MYO1D: variants seen among roughly 807,000 people sequenced by gnomAD.
MYO1D encodes myosin ID.
In MYO1D, 83 loss-of-function variants were observed where a neutral mutation model predicts 122.0. The observed-to-expected ratio is 0.68, with a 90% CI of 0.57 to 0.82. MYO1D has a LOEUF of 0.82. Among genes scored for constraint, MYO1D ranks in the 40% least tolerant of loss-of-function variants. The pLI, the probability that MYO1D is intolerant of heterozygous loss-of-function variation, is 0.00. For missense variants in MYO1D, 1,157 were observed against 1,269.5 expected (o/e 0.91, Z 1.35); for synonymous variants, 464 against 446.9 (o/e 1.04, Z -0.48).
chr17:32,662,583 G>T lies in MYO1D; in HGVS notation c.2122-3245C>A, dbSNP rs565997912. Reference sequence around the variant, plus strand: ...AGCTACTCGTGAGGCTGAGGCAGGAGAATCGCCTGAACCTGGGAAGGGGAG... The same window carrying T: ...AGCTACTCGTGAGGCTGAGGCAGGATAATCGCCTGAACCTGGGAAGGGGAG... On this transcript the variant is annotated intron_variant, in intron 16 of 21. Coordinates refer to ENST00000318217, the MANE Select transcript of MYO1D (RefSeq NM_015194.3). Among the ~76,000 whole-genome samples the T allele has an allele frequency of 3.3e-5, 5 of 152,208 alleles. No individual in the cohort carries two copies. The East Asian group carries it at 7.8e-4, about 24-fold the overall frequency.
At chr17:32,550,635 AC>A (rs1244343105) in intron 21 of MYO1D, among the ~76,000 whole-genome samples, 1 of 152,198 alleles carries the variant, frequency 6.6e-6, no homozygotes, top group African/African-American at 2.4e-5. Flanking sequence ...TTAAAAAGGT[AC>A]TTGCGAATAT....
chr17:32,517,492 C>A (rs1034656732), intron 21 of MYO1D, among the ~76,000 whole-genome samples: 2 of 152,184 alleles, frequency 1.3e-5, no homozygotes, highest in African/African-American at 2.4e-5. Context: ...ACCTTGATTG[C>A]ACGTTAAGCT....
At chr17:32,557,655 C>A (rs375209992) in intron 21 of MYO1D, among the ~76,000 whole-genome samples, 7 of 151,766 alleles carry the variant, frequency 4.6e-5, no homozygotes, top group African/African-American at 1.7e-4. Flanking sequence ...TACAGGAGCA[C>A]GCCACCATGC....
intron 21 of MYO1D, chr17:32,504,580 G>C (rs928280928): frequency 6.6e-6 from 1 of 152,226 alleles, no homozygotes; most frequent in Non-Finnish European, 1.5e-5. Flanking sequence ...ACTCCTGCGG[G>C]AGCTGTTTTG....
intron 16 of MYO1D, among the ~76,000 whole-genome samples, chr17:32,705,507 C>T (rs965350688): frequency 2.0e-5 from 3 of 152,318 alleles, no homozygotes; most frequent in South Asian, 4.1e-4. Context: ...TCGTGATCCG[C>T]CCGCCTTGGC....
intron 20 of MYO1D, among the ~76,000 whole-genome samples, chr17:32,614,066 G>A (rs1349547462): frequency 1.6e-5 from 2 of 125,422 alleles, no homozygotes; most frequent in African/African-American, 2.9e-5. Flanking sequence ...CTATAATAAT[G>A]TTTTAATTTT....
Position 32,772,825 on chromosome 17 carries a change from T to C in MYO1D, c.582A>G (p.Gln194=), listed in dbSNP as rs78379713. 1 of 1,613,664 alleles carries C rather than the reference T, an allele frequency of 6.2e-7. No individual in the cohort carries two copies. Among genetic ancestry groups the C allele is most frequent in the African/African-American group, 1.3e-5 (1 of 75,060 alleles). Residue 194 remains glutamine (Q), a synonymous_variant, in exon 5 of 22, where the codon CAA becomes CAG. Transcript: ENST00000318217. ...YLLEKSRVIV[Q]QPGERSFHSF... ...AATGAAAGCTTCTTTCTCCTGGCTG[T>C]TGCACAATCACTCGAGACTAAGAAA...
intron 1 of MYO1D, among the ~76,000 whole-genome samples, chr17:32,829,262 C>T (rs1567662252): frequency 6.6e-6 from 1 of 152,256 alleles, no homozygotes; most frequent in South Asian, 2.1e-4. Flanking sequence ...ATTTACCTCC[C>T]CACCTTTTGG....
chr17:32,692,551 G>A (rs2089117835), intron 16 of MYO1D, among the ~76,000 whole-genome samples: 2 of 152,176 alleles, frequency 1.3e-5, no homozygotes, highest in Non-Finnish European at 2.9e-5. Flanking sequence ...TGGTGACTAA[G>A]CAGTGAACGG....
At chr17:32,594,636 A>C in intron 21 of MYO1D, 1 of 601,016 alleles carries the variant, frequency 1.7e-6, no homozygotes, top group Non-Finnish European at 3.0e-6. Flanking sequence ...TATAATATCT[A>C]TATCTCTCTT....
chr17:32,772,972 A>C, intron 4 of MYO1D, 130 bp from the exon 5 acceptor site: 1 of 717,608 alleles, frequency 1.4e-6, no homozygotes. Flanking sequence ...GGCCTGAAGC[A>C]ACTGAAGAAT....
intron 16 of MYO1D, among the ~76,000 whole-genome samples, chr17:32,709,455 G>A (rs1470164224): frequency 6.6e-6 from 1 of 152,072 alleles, no homozygotes; most frequent in African/African-American, 2.4e-5. Flanking sequence ...AAGGACTCCA[G>A]GACTTGAAGA....
At chr17:32,585,202 G>T in intron 21 of MYO1D, among the ~76,000 whole-genome samples, 1 of 151,706 alleles carries the variant, frequency 6.6e-6, no homozygotes, top group East Asian at 1.9e-4. Context: ...GGTTCTGTAA[G>T]GTCGCTTTCC....
Position 32,876,879 on chromosome 17 carries a change from A to C in MYO1D, c.-7T>G. 3.4e-6 allele frequency: 5 copies of C among 1,474,498 alleles called. No individual in the cohort carries two copies. The highest frequency in any genetic ancestry group is 4.5e-6 in the Non-Finnish European group (5 of 1,105,636). 91.3% of individuals were successfully genotyped at this position (1,474,498 alleles called of 1,614,324 possible). A position where few individuals can be genotyped will look rare whatever the true frequency, so the allele number is the denominator to read the frequency against. On this transcript the variant is annotated 5_prime_UTR_variant, in exon 1 of 22. Transcript: ENST00000318217. ...GGCTCTCCTGCTCCGCCATGGCGCC[A>C]GCGCGGGGGCTCAGGTGGGCGCGCT...
intron 21 of MYO1D, among the ~76,000 whole-genome samples, chr17:32,516,984 C>T (rs1051668262): frequency 6.6e-6 from 1 of 151,878 alleles, no homozygotes; most frequent in African/African-American, 2.4e-5. Context: ...AACAAATTAG[C>T]GTGGGTGCAT....
chr17:32,875,684 A>G (rs1271521141), intron 1 of MYO1D, among the ~76,000 whole-genome samples: 1 of 152,192 alleles, frequency 6.6e-6, no homozygotes, highest in East Asian at 1.9e-4. Context: ...CTGGTATGTA[A>G]TCAACCTGAT....
intron 21 of MYO1D, among the ~76,000 whole-genome samples, chr17:32,602,208 C>T (rs1002190752): frequency 6.6e-6 from 1 of 152,156 alleles, no homozygotes; most frequent in African/African-American, 2.4e-5. Context: ...TAATGACTTA[C>T]AATGTCTGTA....
At chr17:32,539,343 T>C (rs1292070214) in intron 21 of MYO1D, among the ~76,000 whole-genome samples, 2 of 151,772 alleles carry the variant, frequency 1.3e-5, no homozygotes, top group Non-Finnish European at 2.9e-5. Flanking sequence ...ATGTTATCTT[T>C]TCATTTAAAA....
At chr17:32,713,956 C>T (rs1361302122) in intron 15 of MYO1D, among the ~76,000 whole-genome samples, 1 of 151,794 alleles carries the variant, frequency 6.6e-6, no homozygotes, top group Admixed American at 6.6e-5. Context: ...GTTGAGTTGT[C>T]CTATTCAAGA....
Sources: allele counts gnomAD v4.1 joint callset (sites outside exome capture counted in the v4.1 genomes callset), GRCh38; gene constraint gnomAD v4.1.1; transcripts MANE v1.5; gene names NCBI Gene and HGNC (gene_info 2026-07-23, HGNC 2026-07-21).